Variants in FOXP2 observed in about 807,000 individuals in gnomAD.
FOXP2 encodes forkhead box protein P2.
Under a neutral mutation model 115.8 loss-of-function variants are expected in FOXP2, and 12 were observed. The observed-to-expected ratio is 0.10, with a 90% CI of 0.07 to 0.17. The LOEUF is 0.17. FOXP2 is among the 10% of genes least tolerant of loss of function. The probability of loss-of-function intolerance (pLI) is 1.00; values close to 1 mark genes in which losing one functional copy is unlikely to be tolerated. For synonymous variants in FOXP2, 328 were observed against 297.7 expected (o/e 1.10, Z -1.05); for missense variants, 629 against 843.5 (o/e 0.75, Z 3.15).
At chr7:114,273,032 G>A (rs945146449) in intron 1 of FOXP2, among the ~76,000 whole-genome samples, 2 of 151,738 alleles carry the variant, frequency 1.3e-5, no homozygotes, top group Non-Finnish European at 2.9e-5. Context: ...GCAAACATAG[G>A]TCATGGATTT....
intron 3 of FOXP2, among the ~76,000 whole-genome samples, chr7:114,608,496 A>T (rs865841665): frequency 1.3e-5 from 2 of 152,348 alleles, no homozygotes; most frequent in Middle Eastern, 6.8e-3. Flanking sequence ...ATAAAAAGTG[A>T]TCACAGTAGT....
chr7:114,253,544 T>A (rs1283890664), intron 1 of FOXP2, among the ~76,000 whole-genome samples: 41 of 152,230 alleles, frequency 2.7e-4, no homozygotes, highest in Admixed American at 2.7e-3. Context: ...TACCATTATG[T>A]AATGGCCTCA....
upstream of FOXP2, among the ~76,000 whole-genome samples, chr7:114,161,117 A>G (rs1792818358): frequency 6.6e-6 from 1 of 152,202 alleles, no homozygotes; most frequent in African/African-American, 2.4e-5. Flanking sequence ...TGGAAACTAA[A>G]GCAGAACTAC....
intron 2 of FOXP2, 59 bp downstream of exon 2, chr7:114,426,738 G>A (rs1410789543): frequency 6.5e-7 from 1 of 1,541,920 alleles, no homozygotes; most frequent in Non-Finnish European, 8.9e-7. Flanking sequence ...TATTGAATAT[G>A]AAAAATGTAT....
intron 1 of FOXP2, among the ~76,000 whole-genome samples, chr7:114,257,443 T>TTTTC (rs1362530394): frequency 2.2e-5 from 3 of 133,486 alleles, no homozygotes; most frequent in Non-Finnish European, 4.6e-5. Flanking sequence ...CATTTTTTTC[T>TTTTC]TTTCTTTCTT....
chr7:114,280,456 T>C (rs574170729), intron 1 of FOXP2, among the ~76,000 whole-genome samples: 3 of 152,258 alleles, frequency 2.0e-5, no homozygotes, highest in Admixed American at 6.5e-5. Context: ...GTATTATTCT[T>C]CGCTCATCAT....
chr7:114,267,183 A>G lies in FOXP2; in HGVS notation c.-101-20836A>G, dbSNP rs149818568. ...CCTGTAGACTTACTGAAGATTGAAA[A>G]AATTATCCTCTCAACCCTTCAAAAT... is the stretch of plus-strand genomic sequence containing the variant. On this transcript the variant is annotated intron_variant, in intron 1 of 17. Coordinates refer to the FOXP2 transcript ENST00000634411. Among the ~76,000 whole-genome samples the G allele has an allele frequency of 3.1e-3, 476 of 152,182 alleles. 3 individuals are homozygous for G. The highest frequency in any genetic ancestry group is 5.3e-3 in the Non-Finnish European group (357 of 67,996).
At chr7:114,088,117 A>C in intron 1 of FOXP2, 1 of 139,292 alleles carries the variant, frequency 7.2e-6, no homozygotes, top group African/African-American at 2.6e-5. Flanking sequence ...TGTTCCCCCC[A>C]TCTAACCCCC....
At chr7:114,597,931 T>C (rs1172146032) in intron 3 of FOXP2, among the ~76,000 whole-genome samples, 1 of 152,138 alleles carries the variant, frequency 6.6e-6, no homozygotes, top group Non-Finnish European at 1.5e-5. Context: ...CAGTGAAAGT[T>C]TCTATCTCAG....
intron 2 of FOXP2, among the ~76,000 whole-genome samples, chr7:114,437,879 T>C (rs897817406): frequency 6.6e-6 from 1 of 152,126 alleles, no homozygotes; most frequent in Non-Finnish European, 1.5e-5. Context: ...TTCATGGTTA[T>C]TAAACACATG....
chr7:114,534,340 G>C (rs1402611093), intron 2 of FOXP2, among the ~76,000 whole-genome samples: 1 of 151,822 alleles, frequency 6.6e-6, no homozygotes, highest in African/African-American at 2.4e-5. Flanking sequence ...TGGAAATGAG[G>C]TTATTGATGC....
chr7:114,184,870 A>G (rs1296807566), intron 1 of FOXP2, among the ~76,000 whole-genome samples: 1 of 152,188 alleles, frequency 6.6e-6, no homozygotes, highest in African/African-American at 2.4e-5. Flanking sequence ...AATGAGAGCA[A>G]TGAATAACAA....
intron 1 of FOXP2, among the ~76,000 whole-genome samples, chr7:114,265,551 A>G (rs1057407774): frequency 1.3e-5 from 2 of 152,102 alleles, no homozygotes; most frequent in Non-Finnish European, 2.9e-5. Context: ...TGGCTCTACC[A>G]GTCTGGGGTC....
At position 114,094,860 on chromosome 7, in the gene FOXP2, A is replaced by G. The variant is rs867264144; in HGVS notation, c.-247+7022A>G. ...AATTTTATAAAGATGAGGTCTCGCT[A>G]TGTTGTCCAGGTTGGGAAAAAAAAC... is the stretch of plus-strand genomic sequence containing the variant. On this transcript the variant is annotated intron_variant, in intron 1 of 19. Transcript: ENST00000635638. 7.9e-5 allele frequency among the ~76,000 whole-genome samples: 12 copies of G among 152,014 alleles called. No homozygotes were observed. In the South Asian group the frequency reaches 2.5e-3, roughly 32 times the overall value.
chr7:114,609,964 C>T (rs1168222565), intron 3 of FOXP2, among the ~76,000 whole-genome samples: 2 of 152,180 alleles, frequency 1.3e-5, no homozygotes, highest in Non-Finnish European at 2.9e-5. Flanking sequence ...TAAAATGTCA[C>T]ATAGGTTTAT....
intron 1 of FOXP2, among the ~76,000 whole-genome samples, chr7:114,256,278 T>C (rs1795610777): frequency 6.6e-6 from 1 of 152,106 alleles, no homozygotes; most frequent in Admixed American, 6.5e-5. Context: ...AATTTTTTTG[T>C]ATTTTTTTAG....
chr7:114,166,807 G>A (rs1425547183), intron 1 of FOXP2, among the ~76,000 whole-genome samples: 1 of 152,168 alleles, frequency 6.6e-6, no homozygotes, highest in East Asian at 1.9e-4. Context: ...CATATGGCAA[G>A]TAAGCATATG....
chr7:114,678,768 T>C (rs1807916954), intron 16 of FOXP2, among the ~76,000 whole-genome samples: 1 of 152,036 alleles, frequency 6.6e-6, no homozygotes, highest in Admixed American at 6.6e-5. Flanking sequence ...GGGGAATTTG[T>C]TTTCAGAATC....
chr7:114,663,329 A>G (rs1202712932), intron 14 of FOXP2, 121 bp from the exon 15 acceptor site: 4 of 700,320 alleles, frequency 5.7e-6, no homozygotes, highest in South Asian at 5.0e-5. Context: ...GTGGCCTTAT[A>G]TACATCCAGT....
Sources: allele counts gnomAD v4.1 joint callset (sites outside exome capture counted in the v4.1 genomes callset), GRCh38; gene constraint gnomAD v4.1.1; transcripts MANE v1.5; gene names NCBI Gene and HGNC (gene_info 2026-07-23, HGNC 2026-07-21).